Variants in TAAR1 observed in about 807,000 individuals in gnomAD.
The protein encoded by TAAR1 is trace amine associated receptor 1.
In TAAR1, 1 loss-of-function variant was observed where a neutral mutation model predicts 1.2. That is an observed-to-expected ratio of 0.81 (90% CI 0.29 to 3.86). The LOEUF is 3.86. Ranked by LOEUF, TAAR1 falls within the 30% of genes most tolerant of loss-of-function variation. The pLI, the probability that TAAR1 is intolerant of heterozygous loss-of-function variation, is 0.18. For missense variants in TAAR1, 445 were observed against 405.6 expected, an observed-to-expected ratio of 1.10 and a Z score of -0.83; for synonymous variants, 153 against 132.2, an observed-to-expected ratio of 1.16 and a Z score of -1.08.
rs774284800 is a variant in TAAR1 at position 132,644,988 on chromosome 6, G to C, written c.1016C>G (p.Ser339Ter). The change falls in exon 2 of 2, where the codon TCA (serine) becomes TGA (stop). Residue 339 changes from serine to a stop codon, truncating the protein, a stop_gained. Coordinates refer to ENST00000275216, the MANE Select transcript of TAAR1 (RefSeq NM_138327.4). LOFTEE classifies it high-confidence loss of function. Reference sequence around the variant, plus strand: ...AAACAGTAAAATATAATAATTCTATGAACTCAATTCCAAAAATAATTTACA... The same window carrying C: ...AAACAGTAAAATATAATAATTCTATCAACTCAATTCCAAAAATAATTTACA... ...SRCKLFLELS[S>*] 3 of 1,548,756 alleles carry C rather than the reference G, an allele frequency of 1.9e-6. No homozygotes were observed. Among genetic ancestry groups the C allele is most frequent in the Non-Finnish European group, 1.7e-6 (2 of 1,155,288 alleles).
rs1006065345 is a variant in TAAR1 at position 132,644,914 on chromosome 6, T to C, written c.*70A>G. ...AAAAAAAATCCATGTGGTTGGTGCA[T>C]GTGGTTCGTTATGTTGTGTTCATAA... is the stretch of plus-strand genomic sequence containing the variant. On this transcript the variant is annotated 3_prime_UTR_variant, in exon 2 of 2. Transcript: ENST00000275216. 2 of 1,279,052 alleles carry C rather than the reference T, an allele frequency of 1.6e-6. No individual in the cohort carries two copies. The highest frequency in any genetic ancestry group is 1.5e-5 in the African/African-American group (1 of 66,020). The allele number at this position is 1,279,052 out of a possible 1,614,324, so 79.2% of individuals were successfully genotyped here.
chr6:132,654,878 T>C (rs950966002), intron 1 of TAAR1, among the ~76,000 whole-genome samples: 6 of 152,158 alleles, frequency 3.9e-5, no homozygotes, highest in African/African-American at 1.2e-4. Context: ...AATGGAAATA[T>C]AGTTGATGAA....
chr6:132,650,429 C>A (rs1777737569), intron 1 of TAAR1, among the ~76,000 whole-genome samples: 1 of 152,214 alleles, frequency 6.6e-6, no homozygotes, highest in African/African-American at 2.4e-5. Flanking sequence ...TAGAAAAACA[C>A]ACAATAGCCT....
Position 132,644,921 on chromosome 6 carries a change from C to A in TAAR1, c.*63G>T. 1 of 1,339,476 alleles carries A rather than the reference C, an allele frequency of 7.5e-7. No homozygotes were observed. The highest frequency in any genetic ancestry group is 1.0e-6 in the Non-Finnish European group (1 of 1,004,222). 83.0% of individuals were successfully genotyped at this position (1,339,476 alleles called of 1,614,324 possible). On this transcript the variant is annotated 3_prime_UTR_variant, in exon 2 of 2. Transcript: ENST00000275216. ...ATCCATGTGGTTGGTGCATGTGGTT[C>A]GTTATGTTGTGTTCATAAATATGAT... is the stretch of plus-strand genomic sequence containing the variant.
At chr6:132,658,442 A>C (rs1180632151) in intron 1 of TAAR1, among the ~76,000 whole-genome samples, 1 of 152,164 alleles carries the variant, frequency 6.6e-6, no homozygotes, top group Non-Finnish European at 1.5e-5. Flanking sequence ...GACATGCATA[A>C]AGTAATATGA....
At chr6:132,650,223 G>A (rs1438548357) in intron 1 of TAAR1, among the ~76,000 whole-genome samples, 8 of 152,044 alleles carry the variant, frequency 5.3e-5, no homozygotes, top group African/African-American at 1.7e-4. Context: ...TCAACTCGAA[G>A]CCCTCAATTC....
chr6:132,647,652 GAA>G (rs1343006917), intron 1 of TAAR1, among the ~76,000 whole-genome samples: 1 of 146,780 alleles, frequency 6.8e-6, no homozygotes, highest in Non-Finnish European at 1.5e-5. Context: ...AAGAAAGAAA[GAA>G]AGAAAGAAAG....
In TAAR1 at chr6:132,645,503, G is replaced by T. The variant is rs146384586; in HGVS notation, c.501C>A (p.Gly167=). ...GMIFLELNFK[G]AEEIYYKHVH... ...CATGTTTGTAATATATCTCTTCAGC[G>T]CCTTTGAAGTTTAGCTCCAGAAAGA... The change falls in exon 2 of 2, where the codon GGC becomes GGA. Residue 167 remains glycine (G), a synonymous_variant. Transcript: ENST00000275216. 1 of 1,613,696 alleles carries T rather than the reference G, an allele frequency of 6.2e-7. No homozygotes were observed. The highest frequency in any genetic ancestry group is 1.1e-5 in the South Asian group (1 of 91,066).
chr6:132,658,928 G>A (rs2745438), intron 1 of TAAR1, among the ~76,000 whole-genome samples: 105,822 of 152,094 alleles, frequency 0.7, 37,249 homozygotes, highest in African/African-American at 0.8. Context: ...AGCTTCTCTT[G>A]CTAAAGGGGC....
At chr6:132,647,664 GAA>G (rs755528472) in intron 1 of TAAR1, among the ~76,000 whole-genome samples, 1 of 145,548 alleles carries the variant, frequency 6.9e-6, no homozygotes, top group Non-Finnish European at 1.5e-5. Context: ...AAGAAAGAAA[GAA>G]AGAAAGAAAG....
intron 1 of TAAR1, among the ~76,000 whole-genome samples, chr6:132,654,227 T>G (rs1562204598): frequency 6.6e-6 from 1 of 152,164 alleles, no homozygotes; most frequent in Non-Finnish European, 1.5e-5. Context: ...GAGCAGTGCT[T>G]ATAGCAAGAA....
chr6:132,651,162 G>A (rs1190724813), intron 1 of TAAR1, among the ~76,000 whole-genome samples: 1 of 152,170 alleles, frequency 6.6e-6, no homozygotes, highest in Non-Finnish European at 1.5e-5. Flanking sequence ...CCACCCCGCT[G>A]TGGTTCTGCT....
Position 132,644,028 on chromosome 6 carries a change from G to A in TAAR1, c.*956C>T, listed in dbSNP as rs1396459151. On this transcript the variant is annotated 3_prime_UTR_variant, in exon 2 of 2. Coordinates refer to ENST00000275216, the MANE Select transcript of TAAR1 (RefSeq NM_138327.4). ...CATGCCAGATATGACCTTAAGACATGGTAAAATCCTTCTAGACATTTTCAT... is the reference window on the plus strand; with the variant it reads ...CATGCCAGATATGACCTTAAGACATAGTAAAATCCTTCTAGACATTTTCAT... Among the ~76,000 whole-genome samples the A allele has an allele frequency of 6.6e-6, 1 of 151,694 alleles. No individual in the cohort carries two copies. The highest frequency in any genetic ancestry group is 1.5e-5 in the Non-Finnish European group (1 of 67,866).
At chr6:132,649,226 C>T (rs888745582) in intron 1 of TAAR1, among the ~76,000 whole-genome samples, 1 of 152,118 alleles carries the variant, frequency 6.6e-6, no homozygotes, top group African/African-American at 2.4e-5. Context: ...GTCTTTATTC[C>T]ATTTCCTAAA....
chr6:132,658,394 G>A (rs1049026378), intron 1 of TAAR1, among the ~76,000 whole-genome samples: 11 of 152,066 alleles, frequency 7.2e-5, no homozygotes, highest in African/African-American at 2.7e-4. Flanking sequence ...GCAATATTAT[G>A]ATAAATGTAC....
Position 132,645,451 on chromosome 6 carries a change from A to G in TAAR1, c.553T>C (p.Phe185Leu). ...AGTACCCCAGATATTTTGCTAAAGAAGACAGAGCAACCTCCTCTGCAGTGA... is the reference window on the plus strand; with the variant it reads ...AGTACCCCAGATATTTTGCTAAAGAGGACAGAGCAACCTCCTCTGCAGTGA... ...HVHCRGGCSV[F>L]FSKISGVLTF... The change falls in exon 2 of 2, where the codon TTC (phenylalanine) becomes CTC (leucine). Residue 185 changes from phenylalanine to leucine, a missense_variant. Phe to Leu is a conservative substitution (Grantham distance 22). Transcript: ENST00000275216. The G allele has an allele frequency of 6.2e-7, 1 of 1,613,822 alleles. No individual in the cohort carries two copies. Among genetic ancestry groups the G allele is most frequent in the African/African-American group, 1.3e-5 (1 of 75,026 alleles).
chr6:132,650,375 A>G (rs546496396), intron 1 of TAAR1, among the ~76,000 whole-genome samples: 1 of 152,304 alleles, frequency 6.6e-6, no homozygotes, highest in Admixed American at 6.5e-5. Context: ...CACTGGTTAA[A>G]TGCAGTTTTC....
chr6:132,645,594 A>G lies in TAAR1; in HGVS notation c.410T>C (p.Ile137Thr). 1 of 1,613,694 alleles carries G rather than the reference A, an allele frequency of 6.2e-7. No individual in the cohort carries two copies. Among genetic ancestry groups the G allele is most frequent in the African/African-American group, 1.3e-5 (1 of 75,000 alleles). The change falls in exon 2 of 2, where the codon ATC becomes ACC. Residue 137 changes from isoleucine to threonine, a missense_variant. By Grantham distance (89) the Ile-to-Thr change is moderately conservative (BLOSUM62 -1). Transcript: ENST00000275216. ...GAAGATCATCACACAAATAACCAAGATATTCATCTTGGCTTTATATCTCAG... is the reference window on the plus strand; with the variant it reads ...GAAGATCATCACACAAATAACCAAGGTATTCATCTTGGCTTTATATCTCAG... Reference protein sequence around the residue: ...DPLRYKAKMNILVICVMIFIS... With the variant: ...DPLRYKAKMNTLVICVMIFIS...
In TAAR1 at chr6:132,645,775, T is replaced by A. The variant is rs757379003; in HGVS notation, c.229A>T (p.Met77Leu). The A allele has an allele frequency of 1.2e-6, 2 of 1,613,762 alleles. No individual in the cohort carries two copies. The highest frequency in any genetic ancestry group is 1.7e-5 in the Admixed American group (1 of 59,914). ...GCAGATCTCACCATACTGTAAGGCA[T>A]GACCAGACACCCCAGAAGAAAGTCC... ...TVDFLLGCLVMPYSMVRSAEH... is the reference protein window; with the variant it reads ...TVDFLLGCLVLPYSMVRSAEH... The change falls in exon 2 of 2, where the codon ATG becomes TTG. Residue 77 changes from methionine (M) to leucine (L), a missense_variant. Coordinates refer to ENST00000275216, the MANE Select transcript of TAAR1 (RefSeq NM_138327.4).
Sources: allele counts gnomAD v4.1 joint callset (sites outside exome capture counted in the v4.1 genomes callset), GRCh38; gene constraint gnomAD v4.1.1; transcripts MANE v1.5; gene names NCBI Gene and HGNC (gene_info 2026-07-23, HGNC 2026-07-21).